KCNU1: variants seen among roughly 807,000 people sequenced by gnomAD.
KCNU1 encodes the protein potassium channel subfamily U member 1.
In KCNU1, 93 loss-of-function variants were observed where a neutral mutation model predicts 126.8. That is an observed-to-expected ratio of 0.73 (90% CI 0.62 to 0.87). The LOEUF (loss-of-function observed/expected upper bound fraction) is 0.87. KCNU1 is among the 40% of genes least tolerant of loss of function. KCNU1 has a pLI of 0.00. For synonymous variants in KCNU1, 523 were observed against 494.2 expected (o/e 1.06, Z -0.77); for missense variants, 1,330 against 1,367.1 (o/e 0.97, Z 0.43).
chr8:36,901,885 T>G (rs1807433215), intron 19 of KCNU1, among the ~76,000 whole-genome samples: 2 of 152,150 alleles, frequency 1.3e-5, no homozygotes, highest in African/African-American at 4.8e-5. Context: ...TTGACAGGTC[T>G]TTTTTGACCT....
chr8:36,805,936 C>G (rs1007897946), intron 4 of KCNU1, among the ~76,000 whole-genome samples: 5 of 152,136 alleles, frequency 3.3e-5, no homozygotes, highest in South Asian at 2.1e-4. Context: ...CTCTACCTCC[C>G]AGGTTCCAGT....
chr8:36,821,739 A>T (rs754631164), intron 10 of KCNU1, among the ~76,000 whole-genome samples: 3 of 152,084 alleles, frequency 2.0e-5, no homozygotes, highest in Non-Finnish European at 2.9e-5. Context: ...TTTTTACTTT[A>T]TGATGGTGCA....
chr8:36,784,702 C>A, intron 1 of KCNU1, 97 bp downstream of exon 1: 1 of 991,328 alleles, frequency 1.0e-6, no homozygotes, highest in Non-Finnish European at 1.5e-6. Context: ...TTCAGTTTTT[C>A]AAGCTAACAG....
At chr8:36,811,452 G>A (rs904276692) in intron 7 of KCNU1, among the ~76,000 whole-genome samples, 4 of 152,178 alleles carry the variant, frequency 2.6e-5, no homozygotes, top group Admixed American at 2.6e-4. Context: ...AATACCAGAA[G>A]ATGATACAGC....
chr8:36,915,935 GGGAGGGAGGAGGAAAAGA>G (rs776301210), intron 22 of KCNU1, among the ~76,000 whole-genome samples: 36 of 151,498 alleles, frequency 2.4e-4, no homozygotes, highest in Non-Finnish European at 3.2e-4. Context: ...AAGGAAGAAA[GGGAGGGAGGAGGAAAAGA>G]GGAGGAAGGA....
chr8:36,923,527 G>C (rs80162165), intron 24 of KCNU1, among the ~76,000 whole-genome samples: 1,911 of 152,250 alleles, frequency 0.013, 18 homozygotes, highest in Middle Eastern at 0.024. Flanking sequence ...TGAGGTGGGA[G>C]TTGTTAGAAA....
At chr8:36,799,715 T>G (rs946810712) in intron 2 of KCNU1, among the ~76,000 whole-genome samples, 1 of 149,342 alleles carries the variant, frequency 6.7e-6, no homozygotes, top group Non-Finnish European at 1.5e-5. Context: ...TTTTTTTTTG[T>G]ATTTTTAGTA....
At chr8:36,885,996 A>G (rs780527976) in intron 19 of KCNU1, among the ~76,000 whole-genome samples, 3 of 152,194 alleles carry the variant, frequency 2.0e-5, no homozygotes, top group Non-Finnish European at 4.4e-5. Context: ...CTCCAAAAAC[A>G]GACCCACGAA....
Position 36,931,617 on chromosome 8 carries a change from A to G in KCNU1, c.2931+472A>G, listed in dbSNP as rs550612638. The stretch of plus-strand genomic sequence containing the variant: ...TCAAGAAACTGGAGCTCAGAGAAGC[A>G]AGGACTTGCCAGAGACCACATTGTC... On this transcript the variant is annotated intron_variant, in intron 25 of 26. Transcript: ENST00000399881. Among the ~76,000 whole-genome samples the G allele has an allele frequency of 3.3e-5, 5 of 152,226 alleles. No homozygotes were observed. In the South Asian group the frequency reaches 1.0e-3, roughly 32 times the overall value.
intron 18 of KCNU1, among the ~76,000 whole-genome samples, chr8:36,856,449 A>G (rs1253110302): frequency 6.6e-6 from 1 of 152,188 alleles, no homozygotes; most frequent in African/African-American, 2.4e-5. Context: ...CTGGTTGTTT[A>G]GTTAGTTGGC....
chr8:36,835,496 CA>C (rs1254025012), intron 12 of KCNU1, among the ~76,000 whole-genome samples: 1 of 151,962 alleles, frequency 6.6e-6, no homozygotes, highest in Admixed American at 6.6e-5. Context: ...CATGTGCCAC[CA>C]CGCCAGACTA....
At chr8:36,905,119 G>T (rs1249775954) in intron 19 of KCNU1, among the ~76,000 whole-genome samples, 1 of 152,108 alleles carries the variant, frequency 6.6e-6, no homozygotes, top group Non-Finnish European at 1.5e-5. Flanking sequence ...ACTGCAGTGT[G>T]GGGTGACCAT....
At chr8:36,905,873 T>C (rs1372046807) in intron 20 of KCNU1, 69 bp downstream of exon 20, 6 of 755,412 alleles carry the variant, frequency 7.9e-6, no homozygotes, top group Non-Finnish European at 1.3e-5. Context: ...ATGTTCTTGT[T>C]AGTCATAAGC....
intron 20 of KCNU1, among the ~76,000 whole-genome samples, chr8:36,906,313 A>T (rs535034138): frequency 1.3e-5 from 2 of 151,974 alleles, no homozygotes; most frequent in Admixed American, 1.3e-4. Flanking sequence ...TGCCTCCTAA[A>T]CACTCCGTAC....
intron 16 of KCNU1, among the ~76,000 whole-genome samples, chr8:36,842,985 C>T (rs950940146): frequency 6.6e-6 from 1 of 152,108 alleles, no homozygotes; most frequent in African/African-American, 2.4e-5. Flanking sequence ...GTTTTAAAGA[C>T]TTATAGATTC....
intron 2 of KCNU1, among the ~76,000 whole-genome samples, chr8:36,799,470 G>A (rs1342927028): frequency 6.7e-6 from 1 of 150,008 alleles, no homozygotes; most frequent in Non-Finnish European, 1.5e-5. Context: ...GGGGGGCAGG[G>A]TAGAAGTGTT....
At chr8:36,915,905 G>A (rs1166829013) in intron 22 of KCNU1, among the ~76,000 whole-genome samples, 1 of 151,380 alleles carries the variant, frequency 6.6e-6, no homozygotes, top group African/African-American at 2.4e-5. Flanking sequence ...TCATGGAGTA[G>A]ATATTTTAAA....
rs554153895 is a variant in KCNU1 at position 36,868,419 on chromosome 8, AT to A, written c.2009+3906del. On this transcript the variant is annotated intron_variant, in intron 19 of 26. Coordinates refer to ENST00000399881, the MANE Select transcript of KCNU1 (RefSeq NM_001031836.3). ...ATGTGCTATGTGCTATTTGTGATCCATTTTTTTTATGCCTTAATAGTCTTAT... is the reference window on the plus strand; with the variant it reads ...ATGTGCTATGTGCTATTTGTGATCCATTTTTTTATGCCTTAATAGTCTTAT... 8.5e-4 allele frequency among the ~76,000 whole-genome samples: 129 copies of A among 152,010 alleles called. 1 individual carries two copies. Among genetic ancestry groups the A allele is most frequent in the Middle Eastern group, 6.8e-3 (2 of 294 alleles).
chr8:36,919,335 G>C (rs1005273380), intron 23 of KCNU1, among the ~76,000 whole-genome samples: 2 of 151,242 alleles, frequency 1.3e-5, no homozygotes, highest in African/African-American at 4.9e-5. Flanking sequence ...ACTTAGAGGA[G>C]GTGCTCACCC....
Sources: allele counts gnomAD v4.1 joint callset (sites outside exome capture counted in the v4.1 genomes callset), GRCh38; gene constraint gnomAD v4.1.1; transcripts MANE v1.5; gene names NCBI Gene and HGNC (gene_info 2026-07-23, HGNC 2026-07-21).